The following MAST4 variants were observed in gnomAD, a reference collection of about 807,000 sequenced individuals.
MAST4 encodes microtubule associated serine/threonine kinase family member 4.
Under a neutral mutation model 162.7 loss-of-function variants are expected in MAST4, and 89 were observed. The ratio of observed to expected loss-of-function variants is 0.55; its 90% confidence interval spans 0.46 to 0.65. The LOEUF (loss-of-function observed/expected upper bound fraction) is 0.65. Ranked by LOEUF, MAST4 falls within the 30% of genes least tolerant of loss-of-function variation. The probability of loss-of-function intolerance (pLI) is 0.00; values close to 1 mark genes in which losing one functional copy is unlikely to be tolerated. For synonymous variants in MAST4, 1,479 were observed against 1,361.1 expected (o/e 1.09, Z -1.91); for missense variants, 3,153 against 3,374.0 (o/e 0.93, Z 1.62).
At chr5:66,713,321 A>C (rs146031633) in intron 1 of MAST4, among the ~76,000 whole-genome samples, 154 of 152,274 alleles carry the variant, frequency 1.0e-3, no homozygotes, top group African/African-American at 3.6e-3. Flanking sequence ...GCTGATGGTG[A>C]TCTGGGGAGG....
chr5:66,893,428 G>A (rs916778130), intron 3 of MAST4, among the ~76,000 whole-genome samples: 8 of 151,274 alleles, frequency 5.3e-5, no homozygotes, highest in Non-Finnish European at 1.0e-4. Flanking sequence ...GGGTTTCACC[G>A]TTTTGGCCAG....
chr5:67,144,702 TCAG>T lies in MAST4; in HGVS notation c.2768_2770del (p.Ala923del). The T allele has an allele frequency of 6.2e-7, 1 of 1,613,974 alleles. No individual in the cohort carries two copies. Among genetic ancestry groups the T allele is most frequent in the African/African-American group, 1.3e-5 (1 of 75,060 alleles). Reference sequence around the variant, plus strand: ...CAGTATAGATCGAATCACTCAGAATTCAGCAGAAGAGAAGGAAGACTCTGTGGA... The same window carrying T: ...CAGTATAGATCGAATCACTCAGAATTCAGAAGAGAAGGAAGACTCTGTGGA... On this transcript the variant is annotated inframe_deletion, in exon 22 of 29. Coordinates refer to ENST00000403625, the MANE Select transcript of MAST4 (RefSeq NM_001164664.2).
intron 3 of MAST4, among the ~76,000 whole-genome samples, chr5:66,878,787 G>A (rs534967007): frequency 7.2e-5 from 11 of 152,342 alleles, no homozygotes; most frequent in Middle Eastern, 3.4e-3. Context: ...CAAAGCTGAT[G>A]GAAGAGTGTT....
chr5:66,973,079 A>G (rs1747653559), intron 4 of MAST4, among the ~76,000 whole-genome samples: 1 of 152,004 alleles, frequency 6.6e-6, no homozygotes, highest in African/African-American at 2.4e-5. Context: ...CTTAGCCCCT[A>G]GATGTATTTA....
intron 4 of MAST4, among the ~76,000 whole-genome samples, chr5:67,021,918 C>T (rs1360502296): frequency 1.3e-5 from 2 of 152,166 alleles, no homozygotes; most frequent in Admixed American, 1.3e-4. Flanking sequence ...TTAAAAAATA[C>T]TGAAGAAATT....
intron 4 of MAST4, among the ~76,000 whole-genome samples, chr5:66,997,717 A>G (rs10052743): frequency 0.23 from 35,307 of 152,118 alleles, 4,342 homozygotes; most frequent in Non-Finnish European, 0.27. Context: ...GTGAGCCACC[A>G]TGCCCAGCCT....
intron 14 of MAST4, among the ~76,000 whole-genome samples, chr5:67,122,336 A>G (rs913421528): frequency 1.3e-5 from 2 of 152,180 alleles, no homozygotes; most frequent in East Asian, 1.9e-4. Flanking sequence ...TTTCCACACC[A>G]TTAACTTAAG....
chr5:66,986,567 A>G (rs1749520918), intron 4 of MAST4: 2 of 711,504 alleles, frequency 2.8e-6, no homozygotes, highest in Admixed American at 4.6e-5. Flanking sequence ...TTCCATATAG[A>G]CATATATATA....
At chr5:67,017,605 CTT>C (rs34059850) in intron 4 of MAST4, among the ~76,000 whole-genome samples, 13 of 134,976 alleles carry the variant, frequency 9.6e-5, no homozygotes, top group Admixed American at 3.7e-4. Context: ...TTTTTCTTTT[CTT>C]TTTTTTTTTT....
At chr5:67,091,032 A>G (rs562001895) in intron 6 of MAST4, among the ~76,000 whole-genome samples, 1 of 152,190 alleles carries the variant, frequency 6.6e-6, no homozygotes, top group East Asian at 1.9e-4. Flanking sequence ...AACTCGGTTT[A>G]TGGTCTGAAT....
At chr5:66,799,566 C>G (rs544231759) in intron 3 of MAST4, among the ~76,000 whole-genome samples, 1 of 152,256 alleles carries the variant, frequency 6.6e-6, no homozygotes, top group Admixed American at 6.5e-5. Flanking sequence ...GTGCCTATAG[C>G]ACCTCTACAT....
Position 67,163,903 on chromosome 5 carries a change from A to C in MAST4, c.4724A>C (p.Lys1575Thr), listed in dbSNP as rs1050189194. 1 of 1,614,006 alleles carries C rather than the reference A, an allele frequency of 6.2e-7. No homozygotes were observed. The highest frequency in any genetic ancestry group is 1.3e-5 in the African/African-American group (1 of 75,058). ...TTTAAGCTGGAAGAGAGAGAGAAGA[A>C]AGTCTATCCGAAGGCTGTGGAAAGG... ...ALFKLEEREK[K>T]VYPKAVERSS... Residue 1575 changes from lysine to threonine, a missense_variant, in exon 29 of 29, where the codon AAA (lysine) becomes ACA (threonine). This residue lies in a region of MAST4 where 1,644 missense variants were observed against 1,495.0 expected (regional missense o/e 1.10). Coordinates refer to ENST00000403625, the MANE Select transcript of MAST4 (RefSeq NM_001164664.2). The surrounding 1 kb of genome is among the most constrained non-coding windows in gnomAD (Gnocchi z 7.0).
At chr5:66,834,033 C>T (rs1757788011) in intron 3 of MAST4, among the ~76,000 whole-genome samples, 1 of 152,180 alleles carries the variant, frequency 6.6e-6, no homozygotes, top group Non-Finnish European at 1.5e-5. Flanking sequence ...GCACATTGTA[C>T]TTAGTTAATC....
At chr5:66,796,580 T>A (rs1430137411) in intron 3 of MAST4, among the ~76,000 whole-genome samples, 1 of 152,176 alleles carries the variant, frequency 6.6e-6, no homozygotes, top group African/African-American at 2.4e-5. Context: ...GTGAGGCGAA[T>A]GGTGTCCATA....
At chr5:67,079,582 A>T (rs1762368106) in intron 5 of MAST4, among the ~76,000 whole-genome samples, 1 of 152,152 alleles carries the variant, frequency 6.6e-6, no homozygotes, top group Non-Finnish European at 1.5e-5. Flanking sequence ...AGAGGTTGAG[A>T]GAGGTTTTTT....
At chr5:67,052,308 C>A (rs1294284058) in intron 4 of MAST4, among the ~76,000 whole-genome samples, 1 of 152,020 alleles carries the variant, frequency 6.6e-6, no homozygotes, top group Non-Finnish European at 1.5e-5. Context: ...TGTATATTGA[C>A]CAAACAAGTA....
intron 5 of MAST4, among the ~76,000 whole-genome samples, chr5:67,078,928 AT>A (rs1294526872): frequency 1.7e-4 from 14 of 84,456 alleles, no homozygotes; most frequent in South Asian, 3.3e-4. Context: ...ATATATATAT[AT>A]ATATATATAT....
intron 5 of MAST4, among the ~76,000 whole-genome samples, chr5:67,075,260 T>TCCTCAGGCTCAGGTGATCCTCCCA (rs1761496931): frequency 6.7e-6 from 1 of 149,726 alleles, no homozygotes. Flanking sequence ...AGCTTTGAAC[T>TCCTCAGGCTCAGGTGATCCTCCCA]CCTCAGGCTC....
intron 3 of MAST4, among the ~76,000 whole-genome samples, chr5:66,879,203 C>T (rs1012057457): frequency 3.9e-5 from 6 of 151,972 alleles, no homozygotes; most frequent in Admixed American, 1.3e-4. Context: ...GGCGTGGACC[C>T]GGGAGGCGGA....
Sources: gnomAD v4.1 joint callset for allele counts (sites outside exome capture counted in the v4.1 genomes callset) on GRCh38, gnomAD v4.1.1 for gene constraint, gnomAD v4.1.1 regional missense constraint, Gnocchi (gnomAD v3.1) non-coding constraint, MANE v1.5 for transcripts, NCBI Gene and HGNC (gene_info 2026-07-23, HGNC 2026-07-21) for gene names.